The following PARD3B variants were observed in gnomAD, a reference collection of about 807,000 sequenced individuals.
The protein encoded by PARD3B is partitioning defective 3 homolog B.
Under a neutral mutation model 130.2 loss-of-function variants are expected in PARD3B, and 103 were observed. The observed-to-expected ratio is 0.79, with a 90% CI of 0.67 to 0.93. The LOEUF is 0.93. PARD3B is among the 40% of genes least tolerant of loss of function. The probability of loss-of-function intolerance (pLI) is 0.00; values close to 1 mark genes in which losing one functional copy is unlikely to be tolerated. For missense variants in PARD3B, 1,609 were observed against 1,499.2 expected, an observed-to-expected ratio of 1.07 and a Z score of -1.21; for synonymous variants, 583 against 553.2, an observed-to-expected ratio of 1.05 and a Z score of -0.76.
At chr2:205,305,373 C>T (rs1005835372) in intron 18 of PARD3B, among the ~76,000 whole-genome samples, 2 of 152,164 alleles carry the variant, frequency 1.3e-5, no homozygotes, top group Non-Finnish European at 2.9e-5. Flanking sequence ...GCCTCCCATA[C>T]ATTTTATTGA....
At chr2:205,412,475 C>T (rs2046633026) in intron 19 of PARD3B, among the ~76,000 whole-genome samples, 1 of 152,302 alleles carries the variant, frequency 6.6e-6, no homozygotes, top group Admixed American at 6.5e-5. Flanking sequence ...TTTCTTGAAG[C>T]AGAGATTATT....
chr2:205,360,528 G>C (rs1184447054), intron 18 of PARD3B, among the ~76,000 whole-genome samples: 1 of 152,126 alleles, frequency 6.6e-6, no homozygotes, highest in East Asian at 1.9e-4. Context: ...TCCCACTCTG[G>C]TTTATTGTGT....
intron 18 of PARD3B, among the ~76,000 whole-genome samples, chr2:205,328,184 A>G (rs1175535143): frequency 6.6e-6 from 1 of 152,228 alleles, no homozygotes; most frequent in Non-Finnish European, 1.5e-5. Flanking sequence ...CAAAGCATAT[A>G]TGAAAATAAA....
chr2:205,451,407 A>G (rs2048099764), intron 20 of PARD3B, among the ~76,000 whole-genome samples: 2 of 152,220 alleles, frequency 1.3e-5, no homozygotes, highest in African/African-American at 4.8e-5. Flanking sequence ...CAAAGTCAAG[A>G]GAGAAGTGAG....
At chr2:205,151,659 C>A (rs2033765708) in intron 10 of PARD3B, among the ~76,000 whole-genome samples, 1 of 152,094 alleles carries the variant, frequency 6.6e-6, no homozygotes, top group Non-Finnish European at 1.5e-5. Flanking sequence ...TTATTTTGAG[C>A]CTATTTGTGT....
At chr2:205,094,382 A>G (rs1477204127) in intron 4 of PARD3B, among the ~76,000 whole-genome samples, 2 of 152,184 alleles carry the variant, frequency 1.3e-5, no homozygotes, top group East Asian at 1.9e-4. Flanking sequence ...ACGATAGGCA[A>G]TAAAAAAGAC....
intron 15 of PARD3B, among the ~76,000 whole-genome samples, chr2:205,202,927 G>A (rs113104514): frequency 0.015 from 2,357 of 152,238 alleles, 48 homozygotes; most frequent in African/African-American, 0.039. Context: ...AATGCTGGGA[G>A]AAAAGTTAAC....
At chr2:204,663,120 C>T (rs1417611963) in intron 1 of PARD3B, among the ~76,000 whole-genome samples, 1 of 152,190 alleles carries the variant, frequency 6.6e-6, no homozygotes, top group African/African-American at 2.4e-5. Context: ...CCATGACGAA[C>T]ATGTAGACAT....
At chr2:205,151,280 G>A (rs183829437) in intron 10 of PARD3B, among the ~76,000 whole-genome samples, 3 of 152,274 alleles carry the variant, frequency 2.0e-5, no homozygotes, top group Non-Finnish European at 4.4e-5. Context: ...TATTAGGTCT[G>A]TTTGGTGCAG....
At chr2:205,004,135 C>T (rs1357530661) in intron 3 of PARD3B, among the ~76,000 whole-genome samples, 2 of 152,146 alleles carry the variant, frequency 1.3e-5, no homozygotes. Flanking sequence ...TATTCTTATT[C>T]AGAGTTGGGG....
Position 205,431,822 on chromosome 2 carries a change from TGAAA to T in PARD3B, c.2742-8543_2742-8540del, listed in dbSNP as rs1247272408. On this transcript the variant is annotated intron_variant, in intron 19 of 22. Transcript: ENST00000406610. ...TAGATTATTTATAATCTAACATAAA[TGAAA>T]GAAACATTAATGTTGAAGACAAACA... is the stretch of plus-strand genomic sequence containing the variant. Among the ~76,000 whole-genome samples, 3 of 152,208 alleles carry T rather than the reference TGAAA, an allele frequency of 2.0e-5. No homozygotes were observed. In the East Asian group the frequency reaches 5.8e-4, roughly 29 times the overall value.
At chr2:205,062,193 G>GT (rs1220682548) in intron 4 of PARD3B, among the ~76,000 whole-genome samples, 2 of 152,000 alleles carry the variant, frequency 1.3e-5, no homozygotes, top group Admixed American at 1.3e-4. Context: ...CAGAAGTGTA[G>GT]TATTTTTTTA....
Position 204,806,585 on chromosome 2 carries a change from G to A in PARD3B, c.222+120303G>A, listed in dbSNP as rs1169451876. 2.0e-5 allele frequency among the ~76,000 whole-genome samples: 3 copies of A among 152,178 alleles called. No individual in the cohort carries two copies. The East Asian group carries it at 5.8e-4, about 29-fold the overall frequency. ...GAAGCTCTTCAGAACGTTGTTCTGG[G>A]CAAAGATTTATTGAGTAATACTTCA... On this transcript the variant is annotated intron_variant, in intron 2 of 22. Coordinates refer to ENST00000406610, the MANE Select transcript of PARD3B (RefSeq NM_001302769.2).
At chr2:205,605,822 C>G (rs73062227) in intron 22 of PARD3B, among the ~76,000 whole-genome samples, 2 of 152,018 alleles carry the variant, frequency 1.3e-5, no homozygotes, top group African/African-American at 4.8e-5. Context: ...CCAGACTGCC[C>G]GGATTCCTCA....
intron 2 of PARD3B, among the ~76,000 whole-genome samples, chr2:204,950,137 G>A (rs910557223): frequency 6.6e-6 from 1 of 152,194 alleles, no homozygotes; most frequent in African/African-American, 2.4e-5. Flanking sequence ...AGATGCTGAT[G>A]TTTTACTGAT....
intron 18 of PARD3B, among the ~76,000 whole-genome samples, chr2:205,335,513 C>A (rs2105788928): frequency 6.6e-6 from 1 of 152,144 alleles, no homozygotes; most frequent in African/African-American, 2.4e-5. Flanking sequence ...GCTTTGGCAC[C>A]AAGAGGCAAG....
intron 1 of PARD3B, among the ~76,000 whole-genome samples, chr2:204,583,134 CA>C (rs1171167778): frequency 7.2e-6 from 1 of 139,754 alleles, no homozygotes; most frequent in Non-Finnish European, 1.5e-5. Flanking sequence ...GGTATATACC[CA>C]AATGACTATA....
chr2:205,448,314 C>T (rs898672607), intron 20 of PARD3B, among the ~76,000 whole-genome samples: 4 of 152,116 alleles, frequency 2.6e-5, no homozygotes, highest in Admixed American at 1.3e-4. Flanking sequence ...TCTGGGTATC[C>T]TTTGATTTTA....
chr2:205,451,989 T>C, intron 20 of PARD3B, among the ~76,000 whole-genome samples: 1 of 152,132 alleles, frequency 6.6e-6, no homozygotes, highest in Non-Finnish European at 1.5e-5. Context: ...AAATAACTCC[T>C]AGAGGCAACT....
Sources: gnomAD v4.1 joint callset for allele counts (sites outside exome capture counted in the v4.1 genomes callset) on GRCh38, gnomAD v4.1.1 for gene constraint, MANE v1.5 for transcripts, NCBI Gene and HGNC (gene_info 2026-07-23, HGNC 2026-07-21) for gene names.